DISC1: variants seen among roughly 807,000 people sequenced by gnomAD.
DISC1 encodes the protein disrupted in schizophrenia 1 protein.
Under a neutral mutation model 84.5 loss-of-function variants are expected in DISC1, and 57 were observed. The observed-to-expected ratio is 0.67, with a 90% CI of 0.55 to 0.84. The LOEUF (loss-of-function observed/expected upper bound fraction) is 0.84, where lower values mean the gene tolerates loss of function less well. Ranked by LOEUF, DISC1 falls within the 40% of genes least tolerant of loss-of-function variation. The probability of loss-of-function intolerance (pLI) is 0.00; values close to 1 mark genes in which losing one functional copy is unlikely to be tolerated. For missense variants in DISC1, 1,000 were observed against 1,057.8 expected (o/e 0.95, Z 0.76); for synonymous variants, 411 against 415.2 (o/e 0.99, Z 0.12).
chr1:231,664,953 G>A (rs2061890231), intron 1 of DISC1, among the ~76,000 whole-genome samples: 1 of 151,528 alleles, frequency 6.6e-6, no homozygotes, highest in Admixed American at 6.6e-5. Context: ...AATATATGTA[G>A]ATACTAGTCT....
At chr1:231,718,230 C>T (rs1433918009) in intron 3 of DISC1, among the ~76,000 whole-genome samples, 1 of 152,218 alleles carries the variant, frequency 6.6e-6, no homozygotes, top group African/African-American at 2.4e-5. Flanking sequence ...CAATCCCTTT[C>T]CAATCATCCT....
At chr1:231,913,473 TTTCCCTGA>T (rs755202828) in intron 9 of DISC1, among the ~76,000 whole-genome samples, 6 of 152,200 alleles carry the variant, frequency 3.9e-5, no homozygotes, top group African/African-American at 7.2e-5. Flanking sequence ...CATTTCCTTC[TTTCCCTGA>T]TTGTAGCAGG....
At chr1:232,007,754 T>C (rs1667633780) in intron 10 of DISC1, among the ~76,000 whole-genome samples, 1 of 152,154 alleles carries the variant, frequency 6.6e-6, no homozygotes, top group Admixed American at 6.6e-5. Flanking sequence ...TGAAAGGGAC[T>C]TGAGATTTGA....
chr1:231,910,162 G>A lies in DISC1; in HGVS notation c.1982-48666G>A, dbSNP rs568444143. 2.0e-5 allele frequency among the ~76,000 whole-genome samples: 3 copies of A among 151,990 alleles called. No homozygotes were observed. In the East Asian group the frequency reaches 5.8e-4, roughly 29 times the overall value. On this transcript the variant is annotated intron_variant, in intron 9 of 12. Coordinates refer to ENST00000439617, the MANE Select transcript of DISC1 (RefSeq NM_018662.3). ...TCATTGATTTTTTGAAGGGTTTTTTGTCTCTATCTCCTTCAGTTCTTCTCT... is the reference window on the plus strand; with the variant it reads ...TCATTGATTTTTTGAAGGGTTTTTTATCTCTATCTCCTTCAGTTCTTCTCT...
Position 231,694,737 on chromosome 1 carries a change from GA to G in DISC1, c.980del (p.Asp327AlafsTer16), listed in dbSNP as rs766695450. 9.3e-6 allele frequency: 15 copies of G among 1,614,016 alleles called. No individual in the cohort carries two copies. In the Admixed American group the frequency reaches 2.5e-4, roughly 27 times the overall value. On this transcript the variant is annotated frameshift_variant, in exon 2 of 13. Coordinates refer to ENST00000439617, the MANE Select transcript of DISC1 (RefSeq NM_018662.3). LOFTEE classifies it high-confidence loss of function. Reference protein sequence around the residue: ...SSGSGDAHSWDTLLRKWEPVL... With the variant: ...SSGSGDAHSWXTLLRKWEPVL... ...CGGCTCAGGGGATGCCCACTCTTGG[GA>G]CACCCTGCTCAGGAAATGGGAGCCA...
intron 9 of DISC1, among the ~76,000 whole-genome samples, chr1:231,863,217 GTTCTTTTTT>G (rs1574310710): frequency 1.5e-5 from 1 of 64,608 alleles, no homozygotes; most frequent in Non-Finnish European, 3.1e-5. Flanking sequence ...TTTATAAAAT[GTTCTTTTTT>G]TTTTTTTTTT....
chr1:231,691,717 C>A (rs1181229752), intron 1 of DISC1, among the ~76,000 whole-genome samples: 1 of 152,216 alleles, frequency 6.6e-6, no homozygotes, highest in Non-Finnish European at 1.5e-5. Context: ...TTTTCTCTAA[C>A]TTCTTTTCGG....
chr1:231,811,939 T>G (rs1377400457), intron 8 of DISC1, among the ~76,000 whole-genome samples: 1 of 152,196 alleles, frequency 6.6e-6, no homozygotes, highest in African/African-American at 2.4e-5. Flanking sequence ...TTGGGAAGAT[T>G]AAATGATACA....
chr1:231,996,103 G>T (rs558135146), intron 10 of DISC1, among the ~76,000 whole-genome samples: 1 of 152,128 alleles, frequency 6.6e-6, no homozygotes, highest in Admixed American at 6.6e-5. Context: ...GATGATGAGC[G>T]TTTTTTCATG....
intron 9 of DISC1, among the ~76,000 whole-genome samples, chr1:231,848,285 G>T (rs112851699): frequency 5.7e-4 from 87 of 152,266 alleles, no homozygotes; most frequent in Non-Finnish European, 1.0e-3. Flanking sequence ...ATGATGCAGG[G>T]ATTATACTGT....
intron 3 of DISC1, among the ~76,000 whole-genome samples, chr1:231,747,138 C>T (rs1411123806): frequency 6.6e-6 from 1 of 151,910 alleles, no homozygotes; most frequent in Non-Finnish European, 1.5e-5. Context: ...ACCATGTTTC[C>T]CAGGCTGGTC....
At chr1:231,837,949 T>C (rs1437528130) in intron 9 of DISC1, among the ~76,000 whole-genome samples, 3 of 152,238 alleles carry the variant, frequency 2.0e-5, no homozygotes, top group African/African-American at 7.2e-5. Context: ...TTTATGCCTT[T>C]TTTTTCTTTA....
At chr1:232,014,422 C>A (rs1269247985) in intron 11 of DISC1, among the ~76,000 whole-genome samples, 1 of 152,272 alleles carries the variant, frequency 6.6e-6, no homozygotes, top group East Asian at 1.9e-4. Context: ...AAGCAAAGAG[C>A]TAGGACATGA....
chr1:231,737,744 A>G (rs1347773162), intron 3 of DISC1, among the ~76,000 whole-genome samples: 1 of 152,248 alleles, frequency 6.6e-6, no homozygotes, highest in East Asian at 1.9e-4. Flanking sequence ...GTATGCTACA[A>G]AGAGCTCACA....
At chr1:231,774,081 A>G (rs1370567952) in intron 6 of DISC1, among the ~76,000 whole-genome samples, 1 of 151,936 alleles carries the variant, frequency 6.6e-6, no homozygotes, top group Non-Finnish European at 1.5e-5. Context: ...CTCTACAAAA[A>G]TAAAAAAATA....
chr1:231,782,657 GCT>G (rs1305438697), intron 6 of DISC1, among the ~76,000 whole-genome samples: 2 of 152,152 alleles, frequency 1.3e-5, no homozygotes, highest in Non-Finnish European at 2.9e-5. Context: ...AATGCAAATG[GCT>G]GGGCACAGTG....
At chr1:231,832,717 T>C (rs1269158096) in intron 9 of DISC1, among the ~76,000 whole-genome samples, 3 of 146,108 alleles carry the variant, frequency 2.1e-5, no homozygotes, top group Admixed American at 1.4e-4. Context: ...TAATGGGCTG[T>C]GGAGGGAGGT....
At chr1:231,774,689 C>T (rs747519859) in intron 6 of DISC1, 8 of 455,872 alleles carry the variant, frequency 1.8e-5, no homozygotes, top group African/African-American at 1.0e-4. Context: ...CTAGAGAAAC[C>T]CGTCATCAAT....
At chr1:231,641,557 T>G (rs1452191762) in intron 1 of DISC1, among the ~76,000 whole-genome samples, 1 of 152,204 alleles carries the variant, frequency 6.6e-6, no homozygotes, top group East Asian at 1.9e-4. Flanking sequence ...AGAACAAAGC[T>G]TCCACAATGT....
Sources: allele counts gnomAD v4.1 joint callset (sites outside exome capture counted in the v4.1 genomes callset), GRCh38; gene constraint gnomAD v4.1.1; transcripts MANE v1.5; gene names NCBI Gene and HGNC (gene_info 2026-07-23, HGNC 2026-07-21).